The following LRCH1 variants were observed in gnomAD, a reference collection of about 807,000 sequenced individuals.
LRCH1 encodes the protein leucine rich repeats and calponin homology domain containing 1.
Under a neutral mutation model 94.9 loss-of-function variants are expected in LRCH1, and 23 were observed. That is an observed-to-expected ratio of 0.24 (90% confidence interval 0.17 to 0.34). The LOEUF (loss-of-function observed/expected upper bound fraction) is 0.34, where lower values mean the gene tolerates loss of function less well. Ranked by LOEUF, LRCH1 falls within the 10% of genes least tolerant of loss-of-function variation. The pLI, the probability that LRCH1 is intolerant of heterozygous loss-of-function variation, is 1.00. For synonymous variants in LRCH1, 364 were observed against 354.9 expected (o/e 1.03, Z -0.29); for missense variants, 790 against 945.9 (o/e 0.84, Z 2.16).
intron 1 of LRCH1, among the ~76,000 whole-genome samples, chr13:46,598,813 A>G (rs1315903391): frequency 1.3e-5 from 2 of 152,204 alleles, no homozygotes; most frequent in Non-Finnish European, 2.9e-5. Context: ...TCTATGGTAT[A>G]AAAACCCCGA....
chr13:46,582,874 A>G (rs571978518), intron 1 of LRCH1, among the ~76,000 whole-genome samples: 1 of 151,754 alleles, frequency 6.6e-6, no homozygotes, highest in South Asian at 2.1e-4. Flanking sequence ...GCTCAGGAAT[A>G]AAAAGGCTTC....
At chr13:46,656,699 C>T (rs1041539793) in intron 2 of LRCH1, among the ~76,000 whole-genome samples, 1 of 152,208 alleles carries the variant, frequency 6.6e-6, no homozygotes, top group African/African-American at 2.4e-5. Flanking sequence ...GGAGTTTACG[C>T]TTTGCCTTTT....
chr13:46,708,142 G>T (rs889842179), intron 13 of LRCH1, among the ~76,000 whole-genome samples: 3 of 152,136 alleles, frequency 2.0e-5, no homozygotes, highest in African/African-American at 7.2e-5. Flanking sequence ...AAGAAGAGCG[G>T]CCATTATACT....
At chr13:46,644,407 G>A (rs1201621598) in intron 1 of LRCH1, among the ~76,000 whole-genome samples, 1 of 152,158 alleles carries the variant, frequency 6.6e-6, no homozygotes, top group Admixed American at 6.5e-5. Flanking sequence ...TTGAAAGTAG[G>A]CCTGAAGTAG....
chr13:46,603,233 T>A (rs551112442), intron 1 of LRCH1, among the ~76,000 whole-genome samples: 141 of 152,098 alleles, frequency 9.3e-4, no homozygotes, highest in Non-Finnish European at 1.7e-3. Flanking sequence ...CATGGGTGTG[T>A]CTGATCCCTG....
At chr13:46,589,969 C>G (rs1594267484) in intron 1 of LRCH1, among the ~76,000 whole-genome samples, 1 of 151,016 alleles carries the variant, frequency 6.6e-6, no homozygotes, top group Non-Finnish European at 1.5e-5. Context: ...GGACATCCCA[C>G]ATGGAGGATG....
intron 16 of LRCH1, among the ~76,000 whole-genome samples, chr13:46,718,040 C>T (rs938069358): frequency 6.6e-6 from 1 of 152,154 alleles, no homozygotes; most frequent in Non-Finnish European, 1.5e-5. Context: ...CTTTAACCTC[C>T]GTTTTTAACC....
At chr13:46,618,973 GT>G (rs2050845201) in intron 1 of LRCH1, among the ~76,000 whole-genome samples, 1 of 152,200 alleles carries the variant, frequency 6.6e-6, no homozygotes, top group Admixed American at 6.5e-5. Context: ...TGGTGCCACA[GT>G]TTACAAATAT....
intron 11 of LRCH1, 151 bp from the exon 12 acceptor site, chr13:46,704,917 G>C: frequency 1.9e-6 from 1 of 519,434 alleles, no homozygotes; most frequent in Non-Finnish European, 3.4e-6. Context: ...CATGCACTTT[G>C]AAATTTCTGT....
chr13:46,748,879 A>G (rs1366085641), downstream of LRCH1, among the ~76,000 whole-genome samples: 8 of 152,212 alleles, frequency 5.3e-5, no homozygotes, highest in Non-Finnish European at 1.0e-4. Flanking sequence ...AATTTGCCAC[A>G]AGGTAGGGAA....
chr13:46,598,482 CAAG>C (rs2050589866), intron 1 of LRCH1, among the ~76,000 whole-genome samples: 2 of 150,968 alleles, frequency 1.3e-5, no homozygotes, highest in Non-Finnish European at 2.9e-5. Flanking sequence ...AATTCAATTT[CAAG>C]ATAACATTCT....
intron 6 of LRCH1, among the ~76,000 whole-genome samples, chr13:46,688,927 C>T (rs1870757605): frequency 6.6e-6 from 1 of 152,122 alleles, no homozygotes; most frequent in Non-Finnish European, 1.5e-5. Flanking sequence ...TTTATCTTAT[C>T]CTGTGTTTAG....
rs557888846 is a variant in LRCH1 at position 46,744,651 on chromosome 13, G to A, written c.*2803G>A. On this transcript the variant is annotated 3_prime_UTR_variant, in exon 20 of 20. Coordinates refer to ENST00000389797, the MANE Select transcript of LRCH1 (RefSeq NM_001164211.2). ...GTTTGTAAGAAATTAAAACTAGCGC[G>A]TGGTGAGCTGGGTTATCTCTCGAAA... 8.1e-6 allele frequency: 8 copies of A among 985,274 alleles called. No homozygotes were observed. In the South Asian group the frequency reaches 1.4e-4, roughly 17 times the overall value. 61.0% of individuals were successfully genotyped at this position (985,274 alleles called of 1,614,324 possible).
At chr13:46,608,886 T>C (rs530494028) in intron 1 of LRCH1, among the ~76,000 whole-genome samples, 1 of 152,296 alleles carries the variant, frequency 6.6e-6, no homozygotes, top group African/African-American at 2.4e-5. Flanking sequence ...TTGCATGCAT[T>C]CTCCTTAAAG....
chr13:46,656,330 C>T (rs927207839), intron 2 of LRCH1, among the ~76,000 whole-genome samples: 8 of 152,146 alleles, frequency 5.3e-5, no homozygotes, highest in African/African-American at 1.9e-4. Flanking sequence ...GCTAGTGTTT[C>T]TTCTCTCTTA....
chr13:46,686,144 A>G (rs1870601904), intron 5 of LRCH1, 103 bp downstream of exon 5: 2 of 1,169,584 alleles, frequency 1.7e-6, no homozygotes, highest in Non-Finnish European at 2.3e-6. Context: ...GAAAATCACT[A>G]ATCACTGGCA....
intron 1 of LRCH1, among the ~76,000 whole-genome samples, chr13:46,630,250 C>G (rs9534444): frequency 0.72 from 108,895 of 152,082 alleles, 39,098 homozygotes; most frequent in Middle Eastern, 0.81. Flanking sequence ...GTGGGTGGAA[C>G]AGCAGATGGA....
At chr13:46,566,054 G>A (rs1046103705) in intron 1 of LRCH1, among the ~76,000 whole-genome samples, 1 of 151,972 alleles carries the variant, frequency 6.6e-6, no homozygotes, top group African/African-American at 2.4e-5. Flanking sequence ...GGGCCTCAGA[G>A]GAGGGCCTGG....
intron 2 of LRCH1, among the ~76,000 whole-genome samples, chr13:46,662,888 C>T (rs1349863624): frequency 6.6e-6 from 1 of 152,178 alleles, no homozygotes; most frequent in Non-Finnish European, 1.5e-5. Context: ...TTTAGACACT[C>T]TGTTTTTGTT....
Sources: gnomAD v4.1 joint callset for allele counts (sites outside exome capture counted in the v4.1 genomes callset) on GRCh38, gnomAD v4.1.1 for gene constraint, MANE v1.5 for transcripts, NCBI Gene and HGNC (gene_info 2026-07-23, HGNC 2026-07-21) for gene names.